Variants in ROBO1 observed in about 807,000 individuals in gnomAD.
ROBO1 encodes the protein roundabout homolog 1.
A neutral mutation model predicts 195.9 loss-of-function variants in ROBO1; 149 were observed. That is an observed-to-expected ratio of 0.76 (90% CI 0.67 to 0.87). ROBO1 has a LOEUF of 0.87. Ranked by LOEUF, ROBO1 falls within the 40% of genes least tolerant of loss-of-function variation. ROBO1 has a pLI of 0.00. For synonymous variants in ROBO1, 816 were observed against 733.2 expected, an observed-to-expected ratio of 1.11 and a Z score of -1.82; for missense variants, 1,933 against 2,068.3, an observed-to-expected ratio of 0.93 and a Z score of 1.27.
At chr3:79,226,097 T>C (rs1369878678) in intron 2 of ROBO1, among the ~76,000 whole-genome samples, 2 of 152,200 alleles carry the variant, frequency 1.3e-5, no homozygotes, top group Non-Finnish European at 2.9e-5. Context: ...GTCCACTTTA[T>C]CTAGTTCAAA....
At chr3:79,516,716 GAATT>G (rs1182022626) in intron 2 of ROBO1, among the ~76,000 whole-genome samples, 1 of 152,094 alleles carries the variant, frequency 6.6e-6, no homozygotes, top group Non-Finnish European at 1.5e-5. Context: ...ATGTGTATCA[GAATT>G]AATTAAATCA....
chr3:79,192,274 A>G (rs1559725107), intron 2 of ROBO1, among the ~76,000 whole-genome samples: 1 of 151,686 alleles, frequency 6.6e-6, no homozygotes, highest in Non-Finnish European at 1.5e-5. Context: ...ACTCATTTAT[A>G]TAACAGATAT....
At chr3:79,346,294 G>T (rs199614663) in intron 2 of ROBO1, among the ~76,000 whole-genome samples, 1 of 152,134 alleles carries the variant, frequency 6.6e-6, no homozygotes, top group Non-Finnish European at 1.5e-5. Flanking sequence ...TGGCTATGTT[G>T]TATTTTTCTT....
chr3:79,147,110 G>C (rs1053448604), intron 2 of ROBO1, among the ~76,000 whole-genome samples: 4 of 152,030 alleles, frequency 2.6e-5, no homozygotes, highest in East Asian at 3.9e-4. Context: ...CAAATAGGAA[G>C]TAAAGGTAGT....
At chr3:79,475,984 G>A (rs1359544907) in intron 2 of ROBO1, among the ~76,000 whole-genome samples, 1 of 151,898 alleles carries the variant, frequency 6.6e-6, no homozygotes, top group Non-Finnish European at 1.5e-5. Flanking sequence ...TAAAATAAAT[G>A]GAGTTAAAAT....
At chr3:78,649,312 T>G (rs765927864) in intron 19 of ROBO1, among the ~76,000 whole-genome samples, 4 of 152,084 alleles carry the variant, frequency 2.6e-5, no homozygotes, top group Non-Finnish European at 4.4e-5. Flanking sequence ...GAGGTCAATC[T>G]AAATGAAATT....
In ROBO1 at chr3:79,097,803, A is replaced by G. The variant is rs2079597704; in HGVS notation, c.172+27653T>C. On this transcript the variant is annotated intron_variant, in intron 3 of 30. Transcript: ENST00000464233. ...CTTCTAAATCCTAATATTCTATTAT[A>G]TATGTTATTTTATAACCACCACTTT... Among the ~76,000 whole-genome samples, 3 of 151,734 alleles carry G rather than the reference A, an allele frequency of 2.0e-5. 1 individual carries two copies. Among genetic ancestry groups the G allele is most frequent in the Middle Eastern group, 6.8e-3 (2 of 294 alleles).
intron 1 of ROBO1, among the ~76,000 whole-genome samples, chr3:79,734,273 T>G (rs757232566): frequency 2.6e-5 from 4 of 152,168 alleles, no homozygotes; most frequent in Non-Finnish European, 5.9e-5. Context: ...CTGTTTTCTT[T>G]TGGCTCCTTC....
intron 1 of ROBO1, among the ~76,000 whole-genome samples, chr3:79,729,866 T>C (rs1422579195): frequency 1.3e-5 from 2 of 152,304 alleles, no homozygotes; most frequent in South Asian, 2.1e-4. Flanking sequence ...CATATGTAGA[T>C]TTAATTATAG....
chr3:78,621,181 A>G (rs1704434660), intron 26 of ROBO1, among the ~76,000 whole-genome samples: 1 of 152,232 alleles, frequency 6.6e-6, no homozygotes, highest in Middle Eastern at 3.4e-3. Context: ...ATTAAAATAG[A>G]TAATTGTTTC....
At chr3:79,753,780 G>T (rs185999641) in intron 1 of ROBO1, among the ~76,000 whole-genome samples, 3 of 152,166 alleles carry the variant, frequency 2.0e-5, no homozygotes, top group African/African-American at 7.2e-5. Flanking sequence ...GAAATGGAAA[G>T]GTCAAGGATT....
At chr3:79,171,390 A>C (rs1051346844) in intron 2 of ROBO1, among the ~76,000 whole-genome samples, 5 of 149,498 alleles carry the variant, frequency 3.3e-5, no homozygotes, top group African/African-American at 2.5e-5. Context: ...GCCATGGTGC[A>C]AGTATATATG....
chr3:79,656,654 G>A (rs745317290), intron 1 of ROBO1, among the ~76,000 whole-genome samples: 18 of 152,006 alleles, frequency 1.2e-4, no homozygotes, highest in Admixed American at 3.3e-4. Flanking sequence ...CAGCACTTTG[G>A]GAGACTGAGG....
At chr3:79,092,678 G>T (rs563324763) in intron 3 of ROBO1, among the ~76,000 whole-genome samples, 1 of 152,172 alleles carries the variant, frequency 6.6e-6, no homozygotes, top group African/African-American at 2.4e-5. Context: ...ATAGCTATAT[G>T]TCAAGGATAG....
intron 2 of ROBO1, among the ~76,000 whole-genome samples, chr3:79,390,817 A>T (rs1224874848): frequency 6.6e-6 from 1 of 152,078 alleles, no homozygotes; most frequent in Non-Finnish European, 1.5e-5. Context: ...GTACATATTT[A>T]CCCTACTCAC....
At chr3:78,723,621 T>C (rs1216787947) in intron 5 of ROBO1, among the ~76,000 whole-genome samples, 1 of 152,128 alleles carries the variant, frequency 6.6e-6, no homozygotes, top group African/African-American at 2.4e-5. Flanking sequence ...TGGCAATGTC[T>C]GCAGACATAT....
chr3:79,725,971 T>C (rs1176640321), intron 1 of ROBO1, among the ~76,000 whole-genome samples: 2 of 152,106 alleles, frequency 1.3e-5, no homozygotes, highest in Non-Finnish European at 2.9e-5. Context: ...CCCTAAGTTG[T>C]AGCTCTGGAA....
rs1001060917 is a variant in ROBO1, at chr3:79,196,152, C to T, written c.89-70613G>A. ...AATGGTATAAGCCAGACTGCAATAACGTAAGTGATGGATAAGGATACATTG... is the reference window on the plus strand; with the variant it reads ...AATGGTATAAGCCAGACTGCAATAATGTAAGTGATGGATAAGGATACATTG... On this transcript the variant is annotated intron_variant, in intron 2 of 30. Transcript: ENST00000464233. Among the ~76,000 whole-genome samples the T allele has an allele frequency of 4.6e-5, 7 of 151,420 alleles. No homozygotes were observed. The East Asian group carries it at 7.8e-4, about 17-fold the overall frequency.
Position 78,703,193 on chromosome 3 carries a change from AAAAAC to A in ROBO1, c.1045+11199_1045+11203del, listed in dbSNP as rs533932635. 4.1e-4 allele frequency among the ~76,000 whole-genome samples: 63 copies of A among 152,238 alleles called. No homozygotes were observed. In the East Asian group the frequency reaches 9.9e-3, roughly 24 times the overall value. ...AGTTCTTTACTTTATTCCTCTAGGG[AAAAAC>A]AAAACAAAACAAAACAAAACAGCCA... On this transcript the variant is annotated intron_variant, in intron 8 of 30. Coordinates refer to ENST00000464233, the MANE Select transcript of ROBO1 (RefSeq NM_002941.4).
Sources: allele counts gnomAD v4.1 joint callset (sites outside exome capture counted in the v4.1 genomes callset), GRCh38; gene constraint gnomAD v4.1.1; transcripts MANE v1.5; gene names NCBI Gene and HGNC (gene_info 2026-07-23, HGNC 2026-07-21).